BRINP1: variants seen among roughly 807,000 people sequenced by gnomAD.
The protein encoded by BRINP1 is BMP/retinoic acid-inducible neural-specific protein 1.
In BRINP1, 17 loss-of-function variants were observed where a neutral mutation model predicts 72.9. That is an observed-to-expected ratio of 0.23 (90% CI 0.16 to 0.35). The LOEUF (loss-of-function observed/expected upper bound fraction) is 0.35, where lower values mean the gene tolerates loss of function less well. Ranked by LOEUF, BRINP1 falls within the 10% of genes least tolerant of loss-of-function variation. The probability of loss-of-function intolerance (pLI) is 1.00; values close to 1 mark genes in which losing one functional copy is unlikely to be tolerated. For missense variants in BRINP1, 850 were observed against 1,001.6 expected, an observed-to-expected ratio of 0.85 and a Z score of 2.04; for synonymous variants, 418 against 378.5, an observed-to-expected ratio of 1.10 and a Z score of -1.21.
Position 119,368,965 on chromosome 9 carries a change from G to A in BRINP1, c.-51+91C>T, listed in dbSNP as rs1490384843. On this transcript the variant is annotated intron_variant, in intron 1 of 7. Transcript: ENST00000265922. This position sits in a 1 kb window ranked among gnomAD's most constrained non-coding sequence, Gnocchi z 4.7. ...GGACAAGGGTGCCGGTAGGGGGAGGGGCAGAGGAGCGCGGGGACGCCCCGA... is the reference window on the plus strand; with the variant it reads ...GGACAAGGGTGCCGGTAGGGGGAGGAGCAGAGGAGCGCGGGGACGCCCCGA... 2 of 389,548 alleles carry A rather than the reference G, an allele frequency of 5.1e-6. No homozygotes were observed. Among genetic ancestry groups the A allele is most frequent in the African/African-American group, 4.1e-5 (2 of 48,348 alleles). 24.1% of individuals were successfully genotyped at this position (389,548 alleles called of 1,614,324 possible).
At chr9:119,203,068 G>A (rs1212406032) in intron 7 of BRINP1, among the ~76,000 whole-genome samples, 2 of 152,024 alleles carry the variant, frequency 1.3e-5, no homozygotes, top group African/African-American at 4.8e-5. Flanking sequence ...ATATTTCAAT[G>A]TTGGTCTACT....
chr9:119,173,695 G>A (rs1829446294), intron 7 of BRINP1, among the ~76,000 whole-genome samples: 1 of 143,502 alleles, frequency 7.0e-6, no homozygotes. Context: ...TCAATCCTAA[G>A]CCAAAAGAAC....
chr9:119,273,458 A>T (rs1830626433), intron 2 of BRINP1, among the ~76,000 whole-genome samples: 1 of 152,152 alleles, frequency 6.6e-6, no homozygotes, highest in Admixed American at 6.5e-5. Context: ...CAGTAAAGAA[A>T]AAGGATTAAA....
chr9:119,190,412 T>TAAA (rs200553535), intron 7 of BRINP1, among the ~76,000 whole-genome samples: 1 of 131,568 alleles, frequency 7.6e-6, no homozygotes, highest in African/African-American at 2.9e-5. Flanking sequence ...CTAGCTAGAC[T>TAAA]AAAAAAAAAA....
At chr9:119,356,281 T>C (rs1172419572) in intron 1 of BRINP1, among the ~76,000 whole-genome samples, 2 of 152,230 alleles carry the variant, frequency 1.3e-5, no homozygotes, top group African/African-American at 4.8e-5. Context: ...TACCCACCTA[T>C]ATAAAATACC....
chr9:119,283,915 T>A (rs914647), intron 2 of BRINP1, among the ~76,000 whole-genome samples: 83,593 of 152,018 alleles, frequency 0.55, 23,689 homozygotes, highest in South Asian at 0.7. Context: ...TGGTTTCATA[T>A]CACCTTGCTG....
Position 119,212,237 on chromosome 9 carries a change from C to T in BRINP1, c.922+1682G>A, listed in dbSNP as rs577126541. Among the ~76,000 whole-genome samples, 3 of 152,228 alleles carry T rather than the reference C, an allele frequency of 2.0e-5. No individual in the cohort carries two copies. In the South Asian group the frequency reaches 6.2e-4, roughly 32 times the overall value. ...GGATCCCTGATGCATTCTGGGCTCC[C>T]AGAGCTGGGTTAGGGCTTAGAGTTC... On this transcript the variant is annotated intron_variant, in intron 6 of 7. Transcript: ENST00000265922.
At chr9:119,197,232 C>G (rs1483927548) in intron 7 of BRINP1, among the ~76,000 whole-genome samples, 1 of 152,192 alleles carries the variant, frequency 6.6e-6, no homozygotes, top group Non-Finnish European at 1.5e-5. Flanking sequence ...AGGGATGAAT[C>G]TGAAAATTAA....
At chr9:119,268,728 G>T (rs772901252) in intron 2 of BRINP1, among the ~76,000 whole-genome samples, 8 of 152,102 alleles carry the variant, frequency 5.3e-5, no homozygotes, top group Non-Finnish European at 1.0e-4. Context: ...ACTCCAGTAG[G>T]ACAAGGACAT....
intron 7 of BRINP1, among the ~76,000 whole-genome samples, chr9:119,203,446 T>A (rs1053285122): frequency 6.6e-6 from 1 of 152,220 alleles, no homozygotes; most frequent in East Asian, 1.9e-4. Context: ...GAAATTTATA[T>A]GCCAACTATC....
At position 119,322,810 on chromosome 9, in the gene BRINP1, C is replaced by T. The variant is rs746505740; in HGVS notation, c.-50-9405G>A. On this transcript the variant is annotated intron_variant, in intron 1 of 7. Transcript: ENST00000265922. ...AGTGACCTTGGGCATGTTATTAACC[C>T]CCTCTGTGCCTCAGTTTCCTCATCT... Among the ~76,000 whole-genome samples, 158 of 152,224 alleles carry T rather than the reference C, an allele frequency of 1.0e-3. 1 individual carries two copies. Among genetic ancestry groups the T allele is most frequent in the Admixed American group, 4.6e-3 (71 of 15,290 alleles).
At chr9:119,176,185 ACAAT>A (rs1231340472) in intron 7 of BRINP1, among the ~76,000 whole-genome samples, 1 of 152,128 alleles carries the variant, frequency 6.6e-6, no homozygotes. Flanking sequence ...AGTCAAACAA[ACAAT>A]CAGAGTAGTC....
chr9:119,180,156 GGAGA>G (rs1444223218), intron 7 of BRINP1, among the ~76,000 whole-genome samples: 1 of 152,158 alleles, frequency 6.6e-6, no homozygotes, highest in Non-Finnish European at 1.5e-5. Context: ...CGAGTGCCAA[GGAGA>G]GAGGAAGAAA....
intron 7 of BRINP1, among the ~76,000 whole-genome samples, chr9:119,185,073 A>C (rs1334382519): frequency 6.6e-6 from 1 of 152,116 alleles, no homozygotes; most frequent in African/African-American, 2.4e-5. Flanking sequence ...GGTCCATCTC[A>C]CAGTGGGTCC....
intron 2 of BRINP1, among the ~76,000 whole-genome samples, chr9:119,280,777 T>C (rs1177657971): frequency 6.6e-6 from 1 of 152,150 alleles, no homozygotes; most frequent in East Asian, 1.9e-4. Flanking sequence ...TGTGAAGAAC[T>C]GGCCCCAAGT....
At chr9:119,320,810 A>C (rs1355076720) in intron 1 of BRINP1, among the ~76,000 whole-genome samples, 1 of 152,202 alleles carries the variant, frequency 6.6e-6, no homozygotes, top group Non-Finnish European at 1.5e-5. Context: ...AGTTGCTGTG[A>C]AAGTCATTTT....
At chr9:119,345,304 G>C (rs1587967981) in intron 1 of BRINP1, among the ~76,000 whole-genome samples, 1 of 152,070 alleles carries the variant, frequency 6.6e-6, no homozygotes, top group African/African-American at 2.4e-5. Flanking sequence ...GTGATAAGAA[G>C]GTCTTCATCA....
chr9:119,214,441 C>A (rs894765298), intron 5 of BRINP1, among the ~76,000 whole-genome samples: 1 of 152,144 alleles, frequency 6.6e-6, no homozygotes, highest in Admixed American at 6.5e-5. Flanking sequence ...ATGGTATATA[C>A]CTTTTCCATT....
intron 2 of BRINP1, among the ~76,000 whole-genome samples, chr9:119,293,418 C>T (rs1830841663): frequency 1.3e-5 from 2 of 152,096 alleles, no homozygotes; most frequent in South Asian, 2.1e-4. Context: ...ATTAGCAAGA[C>T]TCTTCTCCAT....
Sources: gnomAD v4.1 joint callset for allele counts (sites outside exome capture counted in the v4.1 genomes callset) on GRCh38, gnomAD v4.1.1 for gene constraint, Gnocchi (gnomAD v3.1) non-coding constraint, MANE v1.5 for transcripts, NCBI Gene and HGNC (gene_info 2026-07-23, HGNC 2026-07-21) for gene names.